The following KCTD9 variants were observed in gnomAD, a reference collection of about 807,000 sequenced individuals.
The protein encoded by KCTD9 is BTB/POZ domain-containing protein KCTD9.
A neutral mutation model predicts 53.3 loss-of-function variants in KCTD9; 17 were observed. The ratio of observed to expected loss-of-function variants is 0.32; its 90% CI spans 0.22 to 0.48. The LOEUF (loss-of-function observed/expected upper bound fraction) is 0.48, where lower values mean the gene tolerates loss of function less well. Ranked by LOEUF, KCTD9 falls within the 20% of genes least tolerant of loss-of-function variation. The pLI, the probability that KCTD9 is intolerant of heterozygous loss-of-function variation, is 0.99. For missense variants in KCTD9, 179 were observed against 465.5 expected, an observed-to-expected ratio of 0.38 and a Z score of 5.66; for synonymous variants, 128 against 162.7, an observed-to-expected ratio of 0.79 and a Z score of 1.62.
intron 9 of KCTD9, among the ~76,000 whole-genome samples, chr8:25,434,145 G>A (rs957137157): frequency 1.3e-5 from 2 of 152,142 alleles, no homozygotes; most frequent in African/African-American, 4.8e-5. Flanking sequence ...CGTCACCCAG[G>A]ATGGAGTGCA....
rs1802020774 is a variant in KCTD9 at position 25,436,505 on chromosome 8, T to A, written c.500-20A>T. On this transcript the variant is annotated intron_variant, in intron 6 of 11. Coordinates refer to ENST00000221200, the MANE Select transcript of KCTD9 (RefSeq NM_017634.4). Reference sequence around the variant, plus strand: ...ACACACCTATCAGAACAAAAATAATTCTGAAACAACCTAATTTAGTGAATG... The same window carrying A: ...ACACACCTATCAGAACAAAAATAATACTGAAACAACCTAATTTAGTGAATG... The A allele has an allele frequency of 1.4e-6, 2 of 1,446,366 alleles. No homozygotes were observed. The highest frequency in any genetic ancestry group is 1.4e-5 in the African/African-American group (1 of 69,556). 89.6% of individuals were successfully genotyped at this position (1,446,366 alleles called of 1,614,324 possible). A position where few individuals can be genotyped will look rare whatever the true frequency, so the allele number is the denominator to read the frequency against.
intron 1 of KCTD9, chr8:25,457,190 A>G (rs998584485): frequency 2.1e-5 from 4 of 192,798 alleles, no homozygotes; most frequent in African/African-American, 9.5e-5. Context: ...TCGGAAAGCC[A>G]TTTTTAATGC....
Position 25,439,558 on chromosome 8 carries a change from G to T in KCTD9, c.370+48C>A, listed in dbSNP as rs775679346. 2.5e-6 allele frequency: 4 copies of T among 1,601,054 alleles called. No individual in the cohort carries two copies. In the South Asian group the frequency reaches 4.4e-5, roughly 18 times the overall value. On this transcript the variant is annotated intron_variant, in intron 5 of 11. Transcript: ENST00000221200. ...GGTCAGGAGTTATAAAGTCAGCACA[G>T]ATATAAAACAGGTAAGATGAAATGT...
At chr8:25,456,762 T>C (rs879228240) in intron 1 of KCTD9, among the ~76,000 whole-genome samples, 2 of 152,088 alleles carry the variant, frequency 1.3e-5, no homozygotes, top group Non-Finnish European at 2.9e-5. Flanking sequence ...GACAACCAAA[T>C]TGAGTGGATT....
At chr8:25,442,735 G>C (rs190728202) in intron 3 of KCTD9, among the ~76,000 whole-genome samples, 1 of 152,134 alleles carries the variant, frequency 6.6e-6, no homozygotes, top group South Asian at 2.1e-4. Flanking sequence ...TATATGTTCC[G>C]ACAATTCAGA....
At chr8:25,444,403 T>C (rs763243992) in intron 2 of KCTD9, 68 bp from the exon 3 acceptor site, 28 of 1,407,748 alleles carry the variant, frequency 2.0e-5, no homozygotes, top group Admixed American at 7.3e-5. Flanking sequence ...CTGTTGCTTA[T>C]AGGAACTATT....
At chr8:25,454,856 G>C (rs543832684) in intron 1 of KCTD9, among the ~76,000 whole-genome samples, 61 of 152,302 alleles carry the variant, frequency 4.0e-4, no homozygotes, top group Non-Finnish European at 7.1e-4. Flanking sequence ...CTCAGACTAT[G>C]AATTAGCCAC....
intron 11 of KCTD9, among the ~76,000 whole-genome samples, chr8:25,431,256 T>C (rs904567748): frequency 1.3e-5 from 2 of 152,172 alleles, no homozygotes; most frequent in East Asian, 3.8e-4. Context: ...AATTGTGTAA[T>C]AGATTTTTCC....
rs542583610 is a variant in KCTD9, at chr8:25,439,845, G to A, written c.312-181C>T. On this transcript the variant is annotated intron_variant, in intron 4 of 11. Coordinates refer to ENST00000221200, the MANE Select transcript of KCTD9 (RefSeq NM_017634.4). ...GCCATTTATCAGATCCCTTCTAATA[G>A]GGTACTTCCTTTGATTTAAACATTG... is the stretch of plus-strand genomic sequence containing the variant. 17 of 1,268,494 alleles carry A rather than the reference G, an allele frequency of 1.3e-5. No homozygotes were observed. In the South Asian group the frequency reaches 2.2e-4, roughly 16 times the overall value. The allele number at this position is 1,268,494 out of a possible 1,614,324, so 78.6% of individuals were successfully genotyped here.
intron 6 of KCTD9, among the ~76,000 whole-genome samples, chr8:25,439,026 G>A (rs1184731880): frequency 6.6e-6 from 1 of 152,144 alleles, no homozygotes; most frequent in African/African-American, 2.4e-5. Flanking sequence ...ATATAAAGTT[G>A]ATGCGTATGG....
At chr8:25,453,691 T>C (rs913255003) in intron 1 of KCTD9, among the ~76,000 whole-genome samples, 6 of 150,156 alleles carry the variant, frequency 4.0e-5, no homozygotes, top group Admixed American at 6.6e-5. Flanking sequence ...TATGCATATA[T>C]ATGTGACAAA....
rs576616431 is a variant in KCTD9, at chr8:25,452,174, T to G, written c.49-5924A>C. Among the ~76,000 whole-genome samples, 127 of 152,282 alleles carry G rather than the reference T, an allele frequency of 8.3e-4. 1 individual carries two copies. Among genetic ancestry groups the G allele is most frequent in the African/African-American group, 2.9e-3 (119 of 41,562 alleles). ...CCTATACTTTTAGTCAAATACATTT[T>G]AAATATTTACATGATCTTATTCTTT... On this transcript the variant is annotated intron_variant, in intron 1 of 11. Coordinates refer to ENST00000221200, the MANE Select transcript of KCTD9 (RefSeq NM_017634.4).
At chr8:25,457,790 G>C (rs1802487190) in intron 1 of KCTD9, 1 of 162,368 alleles carries the variant, frequency 6.2e-6, no homozygotes, top group African/African-American at 2.4e-5. Context: ...TTTCCGAGCA[G>C]ATCATTACTC....
Position 25,458,394 on chromosome 8 carries a change from G to C in KCTD9, c.-148C>G, listed in dbSNP as rs1189398576. ...TCCTGCCCTTGGGGACACACCACAC[G>C]CACGCACTCTGTCCCACACCCAAGG... On this transcript the variant is annotated 5_prime_UTR_variant, in exon 1 of 12. Coordinates refer to ENST00000221200, the MANE Select transcript of KCTD9 (RefSeq NM_017634.4). 7 of 842,918 alleles carry C rather than the reference G, an allele frequency of 8.3e-6. No homozygotes were observed. 52.2% of individuals were successfully genotyped at this position (842,918 alleles called of 1,614,324 possible).
At position 25,428,961 on chromosome 8, in the gene KCTD9, TTAA is replaced by T. The variant is rs1563243426; in HGVS notation, c.*893_*895del. On this transcript the variant is annotated 3_prime_UTR_variant, in exon 12 of 12. Transcript: ENST00000221200. ...ATTTGGTATTTGAATTAAATGAATA[TTAA>T]TGATGCACCTTGGTTTTTTTGGTTT... 6.6e-6 allele frequency: 1 copy of T among 152,206 alleles called. No individual in the cohort carries two copies. Among genetic ancestry groups the T allele is most frequent in the Non-Finnish European group, 1.5e-5 (1 of 68,040 alleles). The allele number at this position is 152,206 out of a possible 1,614,324, so 9.4% of individuals were successfully genotyped here.
chr8:25,430,841 AC>A (rs1392545150), intron 11 of KCTD9, among the ~76,000 whole-genome samples: 11 of 116,132 alleles, frequency 9.5e-5, no homozygotes, highest in African/African-American at 3.0e-4. Context: ...ACACACACAC[AC>A]AATTTTTTTT....
At chr8:25,441,231 A>G (rs570600663) in intron 3 of KCTD9, among the ~76,000 whole-genome samples, 139 of 152,276 alleles carry the variant, frequency 9.1e-4, no homozygotes, top group Non-Finnish European at 1.6e-3. Context: ...ACCAGAATAT[A>G]TCAGAAAATG....
At chr8:25,433,645 T>A (rs1801968046) in intron 9 of KCTD9, among the ~76,000 whole-genome samples, 1 of 152,186 alleles carries the variant, frequency 6.6e-6, no homozygotes, top group Non-Finnish European at 1.5e-5. Flanking sequence ...TAAAGAACTG[T>A]TTTTTAAAAA....
intron 1 of KCTD9, among the ~76,000 whole-genome samples, chr8:25,454,629 G>A (rs902598824): frequency 4.6e-5 from 7 of 152,004 alleles, no homozygotes; most frequent in African/African-American, 1.5e-4. Flanking sequence ...TGACTCTTTC[G>A]GAGCAGTTTT....
Sources: allele counts gnomAD v4.1 joint callset (sites outside exome capture counted in the v4.1 genomes callset), GRCh38; gene constraint gnomAD v4.1.1; transcripts MANE v1.5; gene names NCBI Gene and HGNC (gene_info 2026-07-23, HGNC 2026-07-21).